Variants in DLST observed in about 807,000 individuals in gnomAD.
DLST encodes the protein dihydrolipoyllysine-residue succinyltransferase component of 2-oxoglutarate dehydrogenase complex, mitochondrial.
Under a neutral mutation model 53.1 loss-of-function variants are expected in DLST, and 17 were observed. That is an observed-to-expected ratio of 0.32 (90% CI 0.22 to 0.48). The LOEUF (loss-of-function observed/expected upper bound fraction) is 0.48. Among genes scored for constraint, DLST ranks in the 20% least tolerant of loss-of-function variants. The probability of loss-of-function intolerance (pLI) is 0.99; values close to 1 mark genes in which losing one functional copy is unlikely to be tolerated. For missense variants in DLST, 512 were observed against 583.9 expected, an observed-to-expected ratio of 0.88 and a Z score of 1.27; for synonymous variants, 206 against 204.8, an observed-to-expected ratio of 1.01 and a Z score of -0.05.
chr14:74,883,294 CAAAAAAA>C (rs35879783), intron 2 of DLST, among the ~76,000 whole-genome samples: 100 of 67,266 alleles, frequency 1.5e-3, no homozygotes, highest in Non-Finnish European at 3.9e-4. Context: ...GACTCCATCT[CAAAAAAA>C]AAAAAAAAAA....
At chr14:74,892,394 C>T (rs1883939790) in intron 7 of DLST, among the ~76,000 whole-genome samples, 1 of 152,020 alleles carries the variant, frequency 6.6e-6, no homozygotes, top group South Asian at 2.1e-4. Flanking sequence ...TGAGCAACTG[C>T]ACCCAGCCTA....
intron 5 of DLST, 104 bp from the exon 6 acceptor site, chr14:74,889,793 C>A: frequency 9.4e-7 from 1 of 1,060,418 alleles, no homozygotes; most frequent in Admixed American, 1.9e-5. Context: ...TTCTGCTGGC[C>A]CTGTAGGAAA....
rs577535354 is a variant in DLST at position 74,894,285 on chromosome 14, C to T, written c.673-27C>T. 4 of 1,612,778 alleles carry T rather than the reference C, an allele frequency of 2.5e-6. No homozygotes were observed. The South Asian group carries it at 4.4e-5, about 18-fold the overall frequency. ...GCTTGACCCAGAGAGATCAGATTGT[C>T]AATGCTTGTTCCACTCTTACTTTCA... On this transcript the variant is annotated intron_variant, in intron 9 of 14. Transcript: ENST00000334220.
At chr14:74,894,448 T>C (rs1376619557) in intron 10 of DLST, 39 bp downstream of exon 10, 12 of 1,599,742 alleles carry the variant, frequency 7.5e-6, no homozygotes, top group Non-Finnish European at 1.0e-5. Context: ...AGGCCCCTTT[T>C]TCTTAGAGAA....
At position 74,882,001 on chromosome 14, in the gene DLST, C is replaced by G. The variant is rs139599696; in HGVS notation, c.48C>G (p.Leu16=). ...TGTCTCGGGCGTTCAGCCGCTCGCT[C>G]TCCGCCTTCCAGAAGGTACGGTCTG... ...RCVSRAFSRS[L]SAFQKGNCPL... is the part of the protein sequence containing the mutation. The change falls in exon 1 of 15, where the codon CTC becomes CTG. Residue 16 remains leucine, a synonymous_variant. Transcript: ENST00000334220. 2.5e-6 allele frequency: 4 copies of G among 1,572,052 alleles called. No homozygotes were observed. The highest frequency in any genetic ancestry group is 3.5e-5 in the Admixed American group (2 of 57,488).
At chr14:74,883,367 A>AGAATG (rs1021181322) in intron 2 of DLST, among the ~76,000 whole-genome samples, 3 of 152,048 alleles carry the variant, frequency 2.0e-5, no homozygotes, top group African/African-American at 7.2e-5. Flanking sequence ...CAGGAGAAAG[A>AGAATG]GAATGGCATT....
rs1048068168 is a variant in DLST at position 74,900,978 on chromosome 14, G to A, written c.1060-88G>A. ...TGGCCTCAAGCAGTCCTCCTGCCTC[G>A]GCCTCCCAAAGCGCTGGGATTATGG... is the stretch of plus-strand genomic sequence containing the variant. On this transcript the variant is annotated intron_variant, in intron 13 of 14. Coordinates refer to ENST00000334220, the MANE Select transcript of DLST (RefSeq NM_001933.5). 51 of 1,451,360 alleles carry A rather than the reference G, an allele frequency of 3.5e-5. No individual in the cohort carries two copies. In the Admixed American group the frequency reaches 9.2e-4, roughly 26 times the overall value. 89.9% of individuals were successfully genotyped at this position (1,451,360 alleles called of 1,614,324 possible).
intron 10 of DLST, among the ~76,000 whole-genome samples, chr14:74,895,120 G>T (rs1168472491): frequency 1.3e-5 from 2 of 152,128 alleles, no homozygotes; most frequent in African/African-American, 4.8e-5. Flanking sequence ...CCAGCTACTT[G>T]GGGGGCTGAG....
chr14:74,897,520 C>G (rs770391359), intron 10 of DLST, among the ~76,000 whole-genome samples: 3 of 152,222 alleles, frequency 2.0e-5, no homozygotes, highest in Non-Finnish European at 2.9e-5. Flanking sequence ...ATAAAGGCTG[C>G]TCATGTTGTA....
At chr14:74,893,527 T>G (rs150607591) in intron 9 of DLST, 103 bp downstream of exon 9, 21 of 1,257,072 alleles carry the variant, frequency 1.7e-5, no homozygotes, top group Non-Finnish European at 2.3e-5. Flanking sequence ...TGGCAGCTCA[T>G]TCCCTCAACC....
chr14:74,894,086 G>A (rs1212072813), intron 9 of DLST, among the ~76,000 whole-genome samples: 1 of 152,146 alleles, frequency 6.6e-6, no homozygotes, highest in East Asian at 1.9e-4. Flanking sequence ...CTTCATTCTT[G>A]GTCAAGCTTT....
rs915105266 is a variant in DLST at position 74,885,645 on chromosome 14, C to G, written c.146+11C>G. On this transcript the variant is annotated intron_variant, in intron 3 of 14. Transcript: ENST00000334220. ...CAGCAGGAAGGTTGTGTAAGTATCA[C>G]TGGGGAGTACAGATATGTGGCCACG... 6.2e-6 allele frequency: 10 copies of G among 1,609,120 alleles called. No individual in the cohort carries two copies. Among genetic ancestry groups the G allele is most frequent in the Non-Finnish European group, 8.5e-6 (10 of 1,177,952 alleles).
intron 11 of DLST, among the ~76,000 whole-genome samples, 181 bp from the exon 12 acceptor site, chr14:74,899,742 T>C (rs894748432): frequency 5.3e-5 from 8 of 152,178 alleles, no homozygotes; most frequent in Non-Finnish European, 1.0e-4. Flanking sequence ...GGAGATACTA[T>C]ACTTGGGATG....
At chr14:74,888,891 T>C (rs1455538660) in intron 3 of DLST, among the ~76,000 whole-genome samples, 2 of 152,172 alleles carry the variant, frequency 1.3e-5, no homozygotes, top group Non-Finnish European at 2.9e-5. Context: ...GTCGTTAGGC[T>C]CTACTCCAGA....
chr14:74,886,845 A>T (rs542808115), intron 3 of DLST, among the ~76,000 whole-genome samples: 2 of 150,736 alleles, frequency 1.3e-5, no homozygotes, highest in East Asian at 3.9e-4. Context: ...GGGTTCCAGC[A>T]ATTCTCCTGC....
intron 7 of DLST, chr14:74,891,369 A>G (rs1883901647): frequency 2.3e-6 from 3 of 1,326,378 alleles, no homozygotes; most frequent in Non-Finnish European, 9.7e-7. Flanking sequence ...TAAAAAATAA[A>G]CCTTATACTC....
chr14:74,894,449 T>G (rs764434166), intron 10 of DLST, 40 bp downstream of exon 10: 1 of 1,599,572 alleles, frequency 6.3e-7, no homozygotes, highest in Non-Finnish European at 8.5e-7. Context: ...GGCCCCTTTT[T>G]CTTAGAGAAC....
intron 2 of DLST, among the ~76,000 whole-genome samples, chr14:74,883,378 C>T (rs1883598802): frequency 6.6e-6 from 1 of 151,198 alleles, no homozygotes; most frequent in African/African-American, 2.4e-5. Context: ...GAATGGCATT[C>T]ACAAAGACCC....
At chr14:74,899,801 G>T in intron 11 of DLST, 122 bp from the exon 12 acceptor site, 1 of 696,126 alleles carries the variant, frequency 1.4e-6, no homozygotes, top group Non-Finnish European at 2.5e-6. Flanking sequence ...GGTGTTCATG[G>T]TGGTTGGTCA....
Sources: gnomAD v4.1 joint callset for allele counts (sites outside exome capture counted in the v4.1 genomes callset) on GRCh38, gnomAD v4.1.1 for gene constraint, MANE v1.5 for transcripts, NCBI Gene and HGNC (gene_info 2026-07-23, HGNC 2026-07-21) for gene names.